CSMD1: variants seen among roughly 807,000 people sequenced by gnomAD.
CSMD1 encodes the protein CUB and Sushi multiple domains 1.
In CSMD1, 213 loss-of-function variants were observed where a neutral mutation model predicts 417.5. The ratio of observed to expected loss-of-function variants is 0.51; its 90% CI spans 0.46 to 0.57. The LOEUF is 0.57. CSMD1 is among the 20% of genes least tolerant of loss of function. The pLI, the probability that CSMD1 is intolerant of heterozygous loss-of-function variation, is 0.00. For synonymous variants in CSMD1, 2,862 were observed against 1,736.8 expected (o/e 1.65, Z -16.11); for missense variants, 6,923 against 4,529.7 (o/e 1.53, Z -15.17).
intron 3 of CSMD1, among the ~76,000 whole-genome samples, chr8:4,372,079 GAAGA>G (rs1416310480): frequency 2.0e-5 from 3 of 152,212 alleles, no homozygotes; most frequent in Admixed American, 6.5e-5. Context: ...GGCTGAGGTG[GAAGA>G]AAAGCCCTTT....
intron 1 of CSMD1, among the ~76,000 whole-genome samples, chr8:4,815,024 G>C (rs939051817): frequency 1.3e-5 from 2 of 152,040 alleles, no homozygotes; most frequent in African/African-American, 4.8e-5. Flanking sequence ...TATAGAATTA[G>C]TTTAAATTTC....
chr8:2,990,239 T>C (rs988221004), intron 54 of CSMD1, among the ~76,000 whole-genome samples: 4 of 152,242 alleles, frequency 2.6e-5, no homozygotes, highest in African/African-American at 9.6e-5. Context: ...AATATCTGTC[T>C]TCCCATCGCC....
rs760993113 is a variant in CSMD1, at chr8:2,942,486, G to A, written c.10521C>T (p.Tyr3507=). ...TTCTGCAGTACCTGTGTTTGTAGAGGTAAAATGCAAACCCTGATAAAATTA... is the reference window on the plus strand; with the variant it reads ...TTCTGCAGTACCTGTGTTTGTAGAGATAAAATGCAAACCCTGATAAAATTA... ...FALILSGFAF[Y]LYKHRTRPKV... is the part of the protein sequence containing the mutation. Residue 3507 remains tyrosine, a synonymous_variant, in exon 69 of 70, where the codon TAC becomes TAT. Transcript: ENST00000635120. 9.9e-6 allele frequency: 16 copies of A among 1,612,952 alleles called. No individual in the cohort carries two copies. Among genetic ancestry groups the A allele is most frequent in the Admixed American group, 1.7e-5 (1 of 59,926 alleles).
At chr8:3,522,966 T>G (rs115329653) in intron 10 of CSMD1, among the ~76,000 whole-genome samples, 2,101 of 150,854 alleles carry the variant, frequency 0.014, 55 homozygotes, top group African/African-American at 0.047. Flanking sequence ...TGTCTACTCA[T>G]TTATCTATTT....
At chr8:4,233,774 C>G (rs1354995323) in intron 3 of CSMD1, among the ~76,000 whole-genome samples, 1 of 152,088 alleles carries the variant, frequency 6.6e-6, no homozygotes, top group Non-Finnish European at 1.5e-5. Context: ...CAAATAATAT[C>G]TGAGAAGAAG....
At chr8:3,208,344 G>T (rs1356702225) in intron 30 of CSMD1, among the ~76,000 whole-genome samples, 1 of 152,142 alleles carries the variant, frequency 6.6e-6, no homozygotes, top group Non-Finnish European at 1.5e-5. Context: ...TCAGCTCACT[G>T]CAACCTCTGC....
At chr8:3,328,896 T>C (rs1806710609) in intron 23 of CSMD1, among the ~76,000 whole-genome samples, 1 of 152,254 alleles carries the variant, frequency 6.6e-6, no homozygotes, top group Admixed American at 6.5e-5. Flanking sequence ...CATTATATCA[T>C]TCCTTCAAAA....
intron 3 of CSMD1, among the ~76,000 whole-genome samples, chr8:4,095,922 T>G (rs545526689): frequency 1.3e-5 from 2 of 152,306 alleles, no homozygotes; most frequent in South Asian, 4.1e-4. Context: ...TTTCAGTTAT[T>G]TAAATGTATC....
intron 26 of CSMD1, among the ~76,000 whole-genome samples, chr8:3,246,088 T>C (rs1460008413): frequency 1.3e-5 from 2 of 152,118 alleles, no homozygotes; most frequent in Non-Finnish European, 2.9e-5. Context: ...CTGCACTGCA[T>C]CTAGGAAGAT....
intron 5 of CSMD1, among the ~76,000 whole-genome samples, chr8:3,995,881 T>A (rs1281316534): frequency 2.0e-5 from 3 of 152,212 alleles, no homozygotes; most frequent in Non-Finnish European, 4.4e-5. Context: ...TTCCCACTGA[T>A]AACTTTCCCA....
At chr8:4,689,817 A>T (rs1182206806) in intron 1 of CSMD1, among the ~76,000 whole-genome samples, 1 of 152,140 alleles carries the variant, frequency 6.6e-6, no homozygotes, top group Non-Finnish European at 1.5e-5. Flanking sequence ...ATGGGGTCAC[A>T]AAAGTCCCTT....
intron 1 of CSMD1, among the ~76,000 whole-genome samples, chr8:4,814,512 G>A (rs747538686): frequency 4.6e-5 from 7 of 152,164 alleles, no homozygotes; most frequent in African/African-American, 7.2e-5. Flanking sequence ...CTCCCAAAGC[G>A]CTGGGATTAC....
At chr8:3,866,437 C>T (rs77981355) in intron 5 of CSMD1, among the ~76,000 whole-genome samples, 1 of 152,106 alleles carries the variant, frequency 6.6e-6, no homozygotes, top group East Asian at 1.9e-4. Flanking sequence ...ATTTGATTAC[C>T]TGATATGTTT....
At chr8:4,728,600 G>A (rs999355962) in intron 1 of CSMD1, among the ~76,000 whole-genome samples, 3 of 152,066 alleles carry the variant, frequency 2.0e-5, no homozygotes, top group Admixed American at 6.6e-5. Flanking sequence ...TTTAACACAT[G>A]TCCTTCCTAT....
At chr8:4,884,287 A>G (rs920683237) in intron 1 of CSMD1, among the ~76,000 whole-genome samples, 1 of 152,016 alleles carries the variant, frequency 6.6e-6, no homozygotes, top group Admixed American at 6.5e-5. Context: ...ATCTTACCAG[A>G]TAGATGATTC....
At chr8:4,888,081 G>A (rs762724896) in intron 1 of CSMD1, among the ~76,000 whole-genome samples, 3 of 151,654 alleles carry the variant, frequency 2.0e-5, no homozygotes, top group Non-Finnish European at 2.9e-5. Context: ...TTTCAACAAT[G>A]TAAAAATACA....
chr8:4,000,686 C>T (rs1585109739), intron 4 of CSMD1, among the ~76,000 whole-genome samples: 1 of 152,100 alleles, frequency 6.6e-6, no homozygotes, highest in South Asian at 2.1e-4. Context: ...TCTATATAAA[C>T]ATATCACACA....
Position 3,061,802 on chromosome 8 carries a change from C to T in CSMD1, c.7475-9155G>A, listed in dbSNP as rs78875851. Among the ~76,000 whole-genome samples the T allele has an allele frequency of 8.4e-3, 1,274 of 152,264 alleles. 15 individuals carry two copies. The highest frequency in any genetic ancestry group is 0.03 in the African/African-American group (1,228 of 41,552). ...AAAAGTTTTTCTAATTGCATTACTTCATTTAATCTTGGTAACACCCTACAA... is the reference window on the plus strand; with the variant it reads ...AAAAGTTTTTCTAATTGCATTACTTTATTTAATCTTGGTAACACCCTACAA... On this transcript the variant is annotated intron_variant, in intron 49 of 69. Transcript: ENST00000635120.
At chr8:3,775,584 C>T (rs1439864025) in intron 5 of CSMD1, among the ~76,000 whole-genome samples, 2 of 152,156 alleles carry the variant, frequency 1.3e-5, no homozygotes, top group Non-Finnish European at 2.9e-5. Flanking sequence ...AGTGTGGACT[C>T]ATGTGCTCTT....
Sources: gnomAD v4.1 joint callset for allele counts (sites outside exome capture counted in the v4.1 genomes callset) on GRCh38, gnomAD v4.1.1 for gene constraint, MANE v1.5 for transcripts, NCBI Gene and HGNC (gene_info 2026-07-23, HGNC 2026-07-21) for gene names.